The following GRAMD1B variants were observed in gnomAD, a reference collection of about 807,000 sequenced individuals.
GRAMD1B encodes the protein GRAM domain containing 1B.
GRAMD1B carries 37 observed loss-of-function variants against 99.7 expected under a neutral mutation model. The observed-to-expected ratio is 0.37, with a 90% confidence interval of 0.29 to 0.49. The LOEUF is 0.49. Among genes scored for constraint, GRAMD1B ranks in the 20% least tolerant of loss-of-function variants. GRAMD1B has a pLI of 0.98. For missense variants in GRAMD1B, 888 were observed against 1,009.2 expected, an observed-to-expected ratio of 0.88 and a Z score of 1.63; for synonymous variants, 427 against 387.6, an observed-to-expected ratio of 1.10 and a Z score of -1.19.
At chr11:123,442,941 G>A (rs945173258) in intron 1 of GRAMD1B, among the ~76,000 whole-genome samples, 4 of 152,058 alleles carry the variant, frequency 2.6e-5, no homozygotes, top group Admixed American at 2.0e-4. Context: ...GCTGGTGGGA[G>A]TGTAGCAGTG....
chr11:123,594,745 T>G lies in GRAMD1B; in HGVS notation c.780T>G (p.Cys260Trp). 6.3e-7 allele frequency: 1 copy of G among 1,576,614 alleles called. No homozygotes were observed. ...DTERLIVDYSCALQRDILLQG... is the reference protein window; with the variant it reads ...DTERLIVDYSWALQRDILLQG... ...CCGCTCCTACCACAGATTACTCATG[T>G]GCACTCCAAAGAGACATTCTCCTTC... is the stretch of plus-strand genomic sequence containing the variant. Residue 260 changes from cysteine (C) to tryptophan (W), a missense_variant, in exon 6 of 20, where the codon TGT becomes TGG. Cys to Trp is a radical substitution (Grantham distance 215). Transcript: ENST00000635736.
intron 2 of GRAMD1B, among the ~76,000 whole-genome samples, chr11:123,503,381 G>T (rs761034540): frequency 6.6e-6 from 1 of 152,142 alleles, no homozygotes; most frequent in Non-Finnish European, 1.5e-5. Context: ...CTTTGCATTG[G>T]CACCAAGTGC....
chr11:123,548,325 T>TATATATATATAC (rs1555067740), intron 2 of GRAMD1B, among the ~76,000 whole-genome samples: 8 of 86,836 alleles, frequency 9.2e-5, no homozygotes, highest in African/African-American at 1.5e-4. Flanking sequence ...TATATATATA[T>TATATATATATAC]ACACACACAC....
chr11:123,460,069 C>T (rs1462891358), intron 1 of GRAMD1B: 5 of 151,114 alleles, frequency 3.3e-5, no homozygotes, highest in Admixed American at 1.3e-4. Context: ...ATTGGACATA[C>T]GTGTGTGTGT....
chr11:123,482,259 C>T (rs143420013), intron 2 of GRAMD1B, among the ~76,000 whole-genome samples: 1,957 of 152,078 alleles, frequency 0.013, 14 homozygotes, highest in Non-Finnish European at 0.021. Flanking sequence ...CTACCATGCC[C>T]CGCTAATTTT....
chr11:123,451,347 C>T (rs143056801), intron 1 of GRAMD1B, among the ~76,000 whole-genome samples: 2 of 152,262 alleles, frequency 1.3e-5, no homozygotes, highest in Non-Finnish European at 2.9e-5. Flanking sequence ...ACCCACCTGG[C>T]ACTTAAGGAA....
intron 8 of GRAMD1B, among the ~76,000 whole-genome samples, chr11:123,600,955 A>C (rs942144537): frequency 1.3e-5 from 2 of 152,142 alleles, no homozygotes; most frequent in Admixed American, 6.5e-5. Flanking sequence ...TAGTTTTTGC[A>C]GGAAGGAGTA....
Position 123,435,708 on chromosome 11 carries a change from C to T in GRAMD1B, c.374+4542C>T, listed in dbSNP as rs139789788. ...GAGTAAATAAATGATTCCTTTTTCT[C>T]TACTGTTTAAAGTGAAATTCTTTTA... On this transcript the variant is annotated intron_variant, in intron 1 of 19. Transcript: ENST00000635736. 3,343 of 404,612 alleles carry T rather than the reference C, an allele frequency of 8.3e-3. 248 individuals carry two copies. The Admixed American group carries it at 0.12, about 15-fold the overall frequency. 25.1% of individuals were successfully genotyped at this position (404,612 alleles called of 1,614,324 possible). A position where few individuals can be genotyped will look rare whatever the true frequency, so the allele number is the denominator to read the frequency against.
chr11:123,572,677 G>A (rs189321321), intron 2 of GRAMD1B, among the ~76,000 whole-genome samples: 1 of 150,162 alleles, frequency 6.7e-6, no homozygotes, highest in Non-Finnish European at 1.5e-5. Context: ...ATTGGAGGGA[G>A]AGAGAGAGAG....
chr11:123,546,161 C>G (rs1270680215), intron 2 of GRAMD1B, among the ~76,000 whole-genome samples: 1 of 152,232 alleles, frequency 6.6e-6, no homozygotes, highest in Non-Finnish European at 1.5e-5. Flanking sequence ...ACTACCCACG[C>G]CCAAATTGGT....
At chr11:123,620,472 C>CTAAA (rs1954975101) in intron 19 of GRAMD1B, among the ~76,000 whole-genome samples, 1 of 69,232 alleles carries the variant, frequency 1.4e-5, no homozygotes, top group Non-Finnish European at 2.5e-5. Flanking sequence ...GACTTCATCT[C>CTAAA]AAAAAAAAAA....
intron 1 of GRAMD1B, among the ~76,000 whole-genome samples, chr11:123,409,780 G>A (rs374488166): frequency 2.1e-4 from 32 of 152,260 alleles, no homozygotes; most frequent in African/African-American, 7.7e-4. Flanking sequence ...TTAGGTGCCT[G>A]AAAATATAGT....
intron 1 of GRAMD1B, among the ~76,000 whole-genome samples, chr11:123,476,033 G>A (rs1951249835): frequency 6.6e-6 from 1 of 152,094 alleles, no homozygotes; most frequent in African/African-American, 2.4e-5. Context: ...CTGAATCTCT[G>A]GAAATTCTGC....
At chr11:123,537,793 T>C (rs1306495519) in intron 2 of GRAMD1B, among the ~76,000 whole-genome samples, 2 of 152,240 alleles carry the variant, frequency 1.3e-5, no homozygotes, top group African/African-American at 2.4e-5. Context: ...GCAGCAATGA[T>C]AGTTCTCCTT....
intron 2 of GRAMD1B, among the ~76,000 whole-genome samples, chr11:123,551,162 C>T (rs1240120189): frequency 6.6e-6 from 1 of 152,192 alleles, no homozygotes; most frequent in Non-Finnish European, 1.5e-5. Context: ...GCAGGGTTAT[C>T]CCAAATTGAG....
At chr11:123,592,267 C>G (rs1445419025) in intron 4 of GRAMD1B, among the ~76,000 whole-genome samples, 2 of 152,144 alleles carry the variant, frequency 1.3e-5, no homozygotes, top group Non-Finnish European at 2.9e-5. Flanking sequence ...TTGGGGAAGC[C>G]CTTCTGCTTC....
At chr11:123,571,171 C>T (rs982861220) in intron 2 of GRAMD1B, among the ~76,000 whole-genome samples, 2 of 152,200 alleles carry the variant, frequency 1.3e-5, no homozygotes, top group African/African-American at 4.8e-5. Context: ...TGATGAACAC[C>T]GGAACACCAA....
intron 2 of GRAMD1B, among the ~76,000 whole-genome samples, chr11:123,497,980 C>A (rs1053995440): frequency 6.6e-6 from 1 of 152,144 alleles, no homozygotes; most frequent in Non-Finnish European, 1.5e-5. Flanking sequence ...CTTCCCTCCC[C>A]CTTCCCGGCC....
At chr11:123,457,117 A>AGAAAGAAAGAAAGAAAGTAAGAAAGAAAG in intron 1 of GRAMD1B, among the ~76,000 whole-genome samples, 1 of 99,500 alleles carries the variant, frequency 1.0e-5, no homozygotes, top group African/African-American at 3.6e-5. Flanking sequence ...TTCTGAGAAA[A>AGAAAGAAAGAAAGAAAGTAAGAAAGAAAG]AAAGAAAGAA....
Sources: gnomAD v4.1 joint callset for allele counts (sites outside exome capture counted in the v4.1 genomes callset) on GRCh38, gnomAD v4.1.1 for gene constraint, MANE v1.5 for transcripts, NCBI Gene and HGNC (gene_info 2026-07-23, HGNC 2026-07-21) for gene names.